CAMK2G: variants seen among roughly 807,000 people sequenced by gnomAD.
CAMK2G encodes calcium/calmodulin-dependent protein kinase type II subunit gamma.
CAMK2G carries 23 observed loss-of-function variants against 88.7 expected under a neutral mutation model. The observed-to-expected ratio is 0.26, with a 90% CI of 0.19 to 0.37. CAMK2G has a LOEUF of 0.37. Ranked by LOEUF, CAMK2G falls within the 10% of genes least tolerant of loss-of-function variation. The probability of loss-of-function intolerance (pLI) is 1.00; values close to 1 mark genes in which losing one functional copy is unlikely to be tolerated. For missense variants in CAMK2G, 476 were observed against 780.8 expected, an observed-to-expected ratio of 0.61 and a Z score of 4.65; for synonymous variants, 263 against 294.8, an observed-to-expected ratio of 0.89 and a Z score of 1.11.
At chr10:73,814,929 C>T in intron 22 of CAMK2G, 74 bp downstream of exon 22, 2 of 1,045,752 alleles carry the variant, frequency 1.9e-6, no homozygotes, top group Non-Finnish European at 2.8e-6. Context: ...GACCACCTCC[C>T]AGCCTTCTCT....
chr10:73,817,599 C>G, intron 19 of CAMK2G, 45 bp from the exon 20 acceptor site: 4 of 1,358,696 alleles, frequency 2.9e-6, no homozygotes, highest in Non-Finnish European at 3.2e-6. Flanking sequence ...GGGGAACCTC[C>G]CAAGTTACAG....
chr10:73,825,462 G>A (rs2090603300), intron 15 of CAMK2G, 115 bp from the exon 16 acceptor site: 8 of 775,772 alleles, frequency 1.0e-5, no homozygotes, highest in South Asian at 1.0e-4. Context: ...GCCTGAGGTG[G>A]CCTCCATAAC....
At chr10:73,849,748 G>A (rs1044809911) in intron 5 of CAMK2G, among the ~76,000 whole-genome samples, 2 of 152,190 alleles carry the variant, frequency 1.3e-5, no homozygotes, top group African/African-American at 4.8e-5. Context: ...TTAGGAAGGA[G>A]AGTCCAACTA....
Position 73,817,480 on chromosome 10 carries a change from T to G in CAMK2G, c.1438A>C (p.Thr480Pro). 1 of 1,603,640 alleles carries G rather than the reference T, an allele frequency of 6.2e-7. No homozygotes were observed. Among genetic ancestry groups the G allele is most frequent in the South Asian group, 1.1e-5 (1 of 90,882 alleles). ...AINNGDFEAY[T>P]KICDPGLTSF... The stretch of plus-strand genomic sequence containing the variant: ...AAAAAAAAATGGGTCTCTACTTACG[T>G]GTAGGCCTCAAAGTCCCCATTGTTG... Residue 480 changes from threonine to proline, a missense_variant and splice_region_variant, in exon 20 of 23, where the codon ACG becomes CCG. Around this residue, in one of 3 missense-constraint regions of CAMK2G, gnomAD observed 278 missense variants for 366.5 expected, o/e 0.76. Coordinates refer to ENST00000423381, the MANE Select transcript of CAMK2G (RefSeq NM_001367534.1).
Position 73,842,184 on chromosome 10 carries a change from A to G in CAMK2G, c.931T>C (p.Ser311Pro). 6.2e-7 allele frequency: 1 copy of G among 1,613,064 alleles called. No individual in the cohort carries two copies. Among genetic ancestry groups the G allele is most frequent in the Non-Finnish European group, 8.5e-7 (1 of 1,178,986 alleles). Residue 311 changes from serine (S) to proline (P), a missense_variant, in exon 12 of 23, where the codon TCC becomes CCC. Ser to Pro is a moderately conservative substitution (Grantham distance 74). Coordinates refer to ENST00000423381, the MANE Select transcript of CAMK2G (RefSeq NM_001367534.1). This position sits in a 1 kb window ranked among gnomAD's most constrained non-coding sequence, Gnocchi z 4.6. The part of the protein sequence containing the change: ...KGAILTTMLV[S>P]RNFSVGRQSS... The stretch of plus-strand genomic sequence containing the variant: ...GAAAACATACCTGAGAAGTTCCTGG[A>G]GACAAGCATGGTCGTGAGGATGGCA...
chr10:73,848,725 T>G lies in CAMK2G; in HGVS notation c.518-116A>C. The G allele has an allele frequency of 1.5e-6, 1 of 679,476 alleles. No individual in the cohort carries two copies. Among genetic ancestry groups the G allele is most frequent in the African/African-American group, 1.8e-5 (1 of 55,544 alleles). The allele number at this position is 679,476 out of a possible 1,614,324, so 42.1% of individuals were successfully genotyped here. A position where few individuals can be genotyped will look rare whatever the true frequency, so the allele number is the denominator to read the frequency against. ...CCTGCTGCTTTTGCTACATAAACTC[T>G]CAGCACATGGGCAGCAAGAGCTGAC... On this transcript the variant is annotated intron_variant, in intron 7 of 22. Coordinates refer to ENST00000423381, the MANE Select transcript of CAMK2G (RefSeq NM_001367534.1). This position sits in a 1 kb window ranked among gnomAD's most constrained non-coding sequence, Gnocchi z 4.5.
intron 14 of CAMK2G, among the ~76,000 whole-genome samples, chr10:73,828,884 G>A (rs1366304749): frequency 6.6e-6 from 1 of 152,200 alleles, no homozygotes; most frequent in African/African-American, 2.4e-5. Flanking sequence ...ACGTTCACAT[G>A]TGAAACAGAC....
intron 1 of CAMK2G, chr10:73,873,639 C>G (rs1258388967): frequency 1.9e-6 from 1 of 535,698 alleles, no homozygotes; most frequent in Non-Finnish European, 2.4e-6. Flanking sequence ...AGGACACAGT[C>G]AGACATCAAG....
chr10:73,874,295 G>C (rs527295252), intron 1 of CAMK2G, 102 bp downstream of exon 1: 4 of 714,616 alleles, frequency 5.6e-6, no homozygotes, highest in Non-Finnish European at 7.7e-6. Context: ...GGGCGGCCGA[G>C]GGGGAGCCGC....
intron 17 of CAMK2G, among the ~76,000 whole-genome samples, chr10:73,823,109 G>A (rs1392546807): frequency 6.6e-6 from 1 of 152,176 alleles, no homozygotes; most frequent in Non-Finnish European, 1.5e-5. Flanking sequence ...TGATCCGCCC[G>A]CCTTGGCCTC....
intron 13 of CAMK2G, among the ~76,000 whole-genome samples, chr10:73,838,919 A>G (rs1263133974): frequency 1.3e-5 from 2 of 152,244 alleles, no homozygotes; most frequent in Non-Finnish European, 2.9e-5. Flanking sequence ...TGTACTGCAC[A>G]GGCAGGGCTG....
chr10:73,823,854 G>A (rs1255785343), intron 17 of CAMK2G, among the ~76,000 whole-genome samples, 186 bp downstream of exon 17: 1 of 152,200 alleles, frequency 6.6e-6, no homozygotes, highest in African/African-American at 2.4e-5. Context: ...CTGTCTGACT[G>A]CAAAGCCTGA....
intron 3 of CAMK2G, among the ~76,000 whole-genome samples, chr10:73,860,252 CA>C (rs1187444186): frequency 3.3e-5 from 5 of 152,326 alleles, no homozygotes; most frequent in Admixed American, 1.3e-4. Context: ...CTTGTCCCCC[CA>C]GTCAGGGTGG....
At chr10:73,823,185 C>G (rs1262026965) in intron 17 of CAMK2G, among the ~76,000 whole-genome samples, 2 of 151,944 alleles carry the variant, frequency 1.3e-5, no homozygotes, top group Non-Finnish European at 2.9e-5. Flanking sequence ...CTGCCATTTT[C>G]TTCAGATTAC....
At chr10:73,858,417 C>T (rs1177596926) in intron 3 of CAMK2G, among the ~76,000 whole-genome samples, 2 of 152,210 alleles carry the variant, frequency 1.3e-5, no homozygotes, top group African/African-American at 2.4e-5. Context: ...TCTCCTGCCA[C>T]AAGCCAGGTC....
In CAMK2G at chr10:73,836,535, G is replaced by C. The variant is rs191790410; in HGVS notation, c.1053+933C>G. On this transcript the variant is annotated intron_variant, in intron 14 of 22. Transcript: ENST00000423381. ...GTGCGCGGAGCCCAGGCTCCCCTGCGAGGGGCGGAAGAACACAGAAGCAGG... is the reference window on the plus strand; with the variant it reads ...GTGCGCGGAGCCCAGGCTCCCCTGCCAGGGGCGGAAGAACACAGAAGCAGG... Among the ~76,000 whole-genome samples, 877 of 152,326 alleles carry C rather than the reference G, an allele frequency of 5.8e-3. 5 individuals carry two copies. The highest frequency in any genetic ancestry group is 8.5e-3 in the Non-Finnish European group (577 of 68,024).
rs1187578775 is a variant in CAMK2G, at chr10:73,819,649, G to C, written c.1250-4C>G. On this transcript the variant is annotated splice_region_variant and splice_polypyrimidine_tract_variant and intron_variant, in intron 18 of 22. Transcript: ENST00000423381. ...TTCCCAGTGCGGAGCGGGGCAGCTA[G>C]CCAGCCAGGGCAGGGCAGGGCAGGG... is the stretch of plus-strand genomic sequence containing the variant. The C allele has an allele frequency of 6.5e-7, 1 of 1,529,400 alleles. No homozygotes were observed. Among genetic ancestry groups the C allele is most frequent in the Admixed American group, 2.0e-5 (1 of 50,764 alleles). 94.7% of individuals were successfully genotyped at this position (1,529,400 alleles called of 1,614,324 possible).
Position 73,848,870 on chromosome 10 carries a change from C to T in CAMK2G, c.517+143G>A. 1 of 713,770 alleles carries T rather than the reference C, an allele frequency of 1.4e-6. No individual in the cohort carries two copies. The highest frequency in any genetic ancestry group is 1.6e-5 in the South Asian group (1 of 64,448). The allele number at this position is 713,770 out of a possible 1,614,324, so 44.2% of individuals were successfully genotyped here. On this transcript the variant is annotated intron_variant, in intron 7 of 22. Coordinates refer to ENST00000423381, the MANE Select transcript of CAMK2G (RefSeq NM_001367534.1). The surrounding 1 kb of genome is among the most constrained non-coding windows in gnomAD (Gnocchi z 4.5). Reference sequence around the variant, plus strand: ...GCAGTGCTGACAACAGCTAGACTTACTGTACTGAGTCGCGTACGGCCAAGA... The same window carrying T: ...GCAGTGCTGACAACAGCTAGACTTATTGTACTGAGTCGCGTACGGCCAAGA...
intron 4 of CAMK2G, 46 bp downstream of exon 4, chr10:73,853,146 T>A: frequency 6.4e-7 from 1 of 1,572,764 alleles, no homozygotes; most frequent in African/African-American, 1.4e-5. Flanking sequence ...TCATTTTGAG[T>A]CAGCTAGAGG....
Sources: allele counts gnomAD v4.1 joint callset (sites outside exome capture counted in the v4.1 genomes callset), GRCh38; gene constraint gnomAD v4.1.1; regional missense constraint gnomAD v4.1.1; non-coding constraint Gnocchi (gnomAD v3.1); transcripts MANE v1.5; gene names NCBI Gene and HGNC (gene_info 2026-07-23, HGNC 2026-07-21).